ANKRD11: variants seen among roughly 807,000 people sequenced by gnomAD.
ANKRD11 encodes ankyrin repeat domain 11, also known as ankyrin repeat domain-containing protein 11.
Under a neutral mutation model 195.7 loss-of-function variants are expected in ANKRD11, and 17 were observed. The observed-to-expected ratio is 0.09, with a 90% CI of 0.06 to 0.13. The LOEUF is 0.13. ANKRD11 is among the 10% of genes least tolerant of loss of function. ANKRD11 has a pLI of 1.00. For synonymous variants in ANKRD11, 1,953 were observed against 1,528.1 expected, an observed-to-expected ratio of 1.28 and a Z score of -6.49; for missense variants, 3,735 against 3,566.1, an observed-to-expected ratio of 1.05 and a Z score of -1.21.
chr16:89,476,845 GAC>G (rs66681019), intron 1 of ANKRD11, among the ~76,000 whole-genome samples: 76,547 of 151,828 alleles, frequency 0.5, 19,522 homozygotes, highest in East Asian at 0.67. Flanking sequence ...GTGTGGAAAA[GAC>G]ACAGTCCTGA....
chr16:89,399,195 G>A (rs2152149365), intron 2 of ANKRD11, among the ~76,000 whole-genome samples: 1 of 152,286 alleles, frequency 6.6e-6, no homozygotes, highest in East Asian at 1.9e-4. Flanking sequence ...ACAAGTCAGA[G>A]GCAGAACCGA....
At chr16:89,304,960 C>G in intron 4 of ANKRD11, 3 of 588,560 alleles carry the variant, frequency 5.1e-6, no homozygotes, top group Non-Finnish European at 8.7e-6. Context: ...CCGGGTGCAT[C>G]TCCACGTGTG....
chr16:89,291,672 G>A lies in ANKRD11; in HGVS notation c.227-489C>T. Reference sequence around the variant, plus strand: ...TCAGTAAATCAAGGCCAACTGGTCAGTACTGTACCTTTCTTCTTGCTTCTA... The same window carrying A: ...TCAGTAAATCAAGGCCAACTGGTCAATACTGTACCTTTCTTCTTGCTTCTA... On this transcript the variant is annotated intron_variant, in intron 4 of 12. Coordinates refer to ENST00000301030, the MANE Select transcript of ANKRD11 (RefSeq NM_013275.6). This position sits in a 1 kb window ranked among gnomAD's most constrained non-coding sequence, Gnocchi z 5.3. The A allele has an allele frequency of 7.8e-7, 1 of 1,290,268 alleles. No individual in the cohort carries two copies. Among genetic ancestry groups the A allele is most frequent in the Non-Finnish European group, 1.0e-6 (1 of 989,102 alleles). 79.9% of individuals were successfully genotyped at this position (1,290,268 alleles called of 1,614,324 possible).
chr16:89,420,234 G>T, intron 1 of ANKRD11: 1 of 152,326 alleles, frequency 6.6e-6, no homozygotes. Context: ...GGAAGCCAGC[G>T]AGGAACCCCA....
At chr16:89,404,370 GA>G (rs1437638006) in intron 2 of ANKRD11, among the ~76,000 whole-genome samples, 1 of 152,118 alleles carries the variant, frequency 6.6e-6, no homozygotes. Flanking sequence ...CAAAGGGCAT[GA>G]AAAAAATTGC....
chr16:89,380,848 C>A (rs914627716), intron 2 of ANKRD11, among the ~76,000 whole-genome samples: 49 of 152,112 alleles, frequency 3.2e-4, no homozygotes, highest in African/African-American at 1.2e-3. Context: ...AGTTCCGGCC[C>A]CAAAGGTGAC....
At chr16:89,406,254 C>T (rs1206986725) in intron 2 of ANKRD11, among the ~76,000 whole-genome samples, 1 of 152,186 alleles carries the variant, frequency 6.6e-6, no homozygotes, top group Non-Finnish European at 1.5e-5. Context: ...AGTCGGCACC[C>T]ACACGTGCTG....
chr16:89,375,931 G>T (rs114198365), intron 2 of ANKRD11, among the ~76,000 whole-genome samples: 1 of 152,152 alleles, frequency 6.6e-6, no homozygotes. Flanking sequence ...TGTGACTTTA[G>T]GAAAAGCTAA....
At chr16:89,295,043 G>C (rs1322999844) in intron 4 of ANKRD11, among the ~76,000 whole-genome samples, 1 of 152,210 alleles carries the variant, frequency 6.6e-6, no homozygotes, top group African/African-American at 2.4e-5. Context: ...AATTCCAAAT[G>C]GTATTCACCA....
At chr16:89,384,538 C>CTGGGATGGGATGGGA (rs71134213) in intron 2 of ANKRD11, among the ~76,000 whole-genome samples, 363 of 148,328 alleles carry the variant, frequency 2.4e-3, no homozygotes, top group African/African-American at 8.2e-3. Context: ...TGGGATGGGA[C>CTGGGATGGGATGGGA]TGGGATGGGA....
chr16:89,402,604 C>T (rs868444853), intron 2 of ANKRD11, among the ~76,000 whole-genome samples: 5 of 149,216 alleles, frequency 3.4e-5, no homozygotes, highest in Middle Eastern at 3.4e-3. Context: ...ATTGGTTGAG[C>T]CTGGGAGTTC....
At chr16:89,442,920 G>A (rs980572331) in intron 1 of ANKRD11, among the ~76,000 whole-genome samples, 1 of 152,208 alleles carries the variant, frequency 6.6e-6, no homozygotes, top group East Asian at 1.9e-4. Context: ...CCCAGCCTCT[G>A]CCTCTTTCAT....
At chr16:89,313,642 T>C (rs1471638089) in intron 3 of ANKRD11, 1 of 1,273,090 alleles carries the variant, frequency 7.9e-7, no homozygotes, top group Non-Finnish European at 1.0e-6. Flanking sequence ...GAAAAGGGAG[T>C]TTATGGTAGA....
chr16:89,490,516 C>G lies in ANKRD11; in HGVS notation c.-416G>C, dbSNP rs1414316125. The G allele has an allele frequency of 6.4e-6, 3 of 471,638 alleles. No homozygotes were observed. The highest frequency in any genetic ancestry group is 6.1e-5 in the African/African-American group (3 of 49,350). The allele number at this position is 471,638 out of a possible 1,614,324, so 29.2% of individuals were successfully genotyped here. On this transcript the variant is annotated 5_prime_UTR_variant, in exon 1 of 13. Coordinates refer to ENST00000301030, the MANE Select transcript of ANKRD11 (RefSeq NM_013275.6). Reference sequence around the variant, plus strand: ...CGCGGGCTCGGCGGCGGCGCCTCCCCGGCTGGGGCCCTCGGTCCATCGCGC... The same window carrying G: ...CGCGGGCTCGGCGGCGGCGCCTCCCGGGCTGGGGCCCTCGGTCCATCGCGC...
At chr16:89,397,053 A>C (rs2041469491) in intron 2 of ANKRD11, among the ~76,000 whole-genome samples, 1 of 151,866 alleles carries the variant, frequency 6.6e-6, no homozygotes, top group South Asian at 2.1e-4. Flanking sequence ...TGTGCTGCTT[A>C]TATGCAATGG....
chr16:89,340,815 G>C (rs1323240266), intron 2 of ANKRD11, among the ~76,000 whole-genome samples: 2 of 152,192 alleles, frequency 1.3e-5, no homozygotes, highest in Non-Finnish European at 2.9e-5. Flanking sequence ...CACAGAAAAT[G>C]TACAGGTATG....
chr16:89,318,412 T>C (rs2037095041), intron 2 of ANKRD11, among the ~76,000 whole-genome samples: 1 of 152,234 alleles, frequency 6.6e-6, no homozygotes. Context: ...TTCATACAAA[T>C]GGAACTGTGT....
At position 89,283,776 on chromosome 16, in the gene ANKRD11, C is replaced by T. The variant is rs768801003; in HGVS notation, c.2766G>A (p.Glu922=). ...YLDKNSEKRK[E]QTEKHKSVPG... ...GGACACTTTTATGCTTTTCGGTCTGCTCTTTCCTCTTCTCAGAGTTTTTAT... is the reference window on the plus strand; with the variant it reads ...GGACACTTTTATGCTTTTCGGTCTGTTCTTTCCTCTTCTCAGAGTTTTTAT... Residue 922 remains glutamate, a synonymous_variant, in exon 9 of 13, where the codon GAG becomes GAA. Coordinates refer to ENST00000301030, the MANE Select transcript of ANKRD11 (RefSeq NM_013275.6). This position sits in a 1 kb window ranked among gnomAD's most constrained non-coding sequence, Gnocchi z 4.3. The T allele has an allele frequency of 1.2e-6, 2 of 1,613,430 alleles. No individual in the cohort carries two copies. Among genetic ancestry groups the T allele is most frequent in the East Asian group, 4.5e-5 (2 of 44,846 alleles).
chr16:89,415,846 A>AAAAAAAAAAAAAAAAAAAAAAAAAAC, intron 2 of ANKRD11, among the ~76,000 whole-genome samples: 2 of 146,378 alleles, frequency 1.4e-5, no homozygotes, highest in Non-Finnish European at 3.0e-5. Flanking sequence ...AAAAAAAAAA[A>AAAAAAAAAAAAAAAAAAAAAAAAAAC]AAAACAATGG....
Sources: gnomAD v4.1 joint callset for allele counts (sites outside exome capture counted in the v4.1 genomes callset) on GRCh38, gnomAD v4.1.1 for gene constraint, Gnocchi (gnomAD v3.1) non-coding constraint, MANE v1.5 for transcripts, NCBI Gene and HGNC (gene_info 2026-07-23, HGNC 2026-07-21) for gene names.